The following CCDC91 variants were observed in gnomAD, a reference collection of about 807,000 sequenced individuals.
CCDC91 encodes the protein coiled-coil domain-containing protein 91.
A neutral mutation model predicts 63.2 loss-of-function variants in CCDC91; 48 were observed. That is an observed-to-expected ratio of 0.76 (90% CI 0.60 to 0.97). The LOEUF (loss-of-function observed/expected upper bound fraction) is 0.97. Ranked by LOEUF, CCDC91 falls within the 50% of genes least tolerant of loss-of-function variation. The pLI is 0.00. For missense variants in CCDC91, 500 were observed against 494.6 expected, an observed-to-expected ratio of 1.01 and a Z score of -0.10; for synonymous variants, 167 against 165.8, an observed-to-expected ratio of 1.01 and a Z score of -0.06.
Position 28,307,705 on chromosome 12 carries a change from G to T in CCDC91, c.532G>T (p.Glu178Ter), listed in dbSNP as rs764048825. Residue 178 changes from glutamate to a stop codon, truncating the protein, a stop_gained, in exon 6 of 13, where the codon GAG becomes TAG. Transcript: ENST00000536442. LOFTEE classifies it high-confidence loss of function. ...AGAAAAAGGCTTTCTAAAAGAAAAA[G>T]AGCAAGAGGCCATTTCTTTTCAAGA... Reference protein sequence around the residue: ...VLEKGFLKEKEQEAISFQDRY... With the variant: ...VLEKGFLKEK 54 of 1,593,012 alleles carry T rather than the reference G, an allele frequency of 3.4e-5. No individual in the cohort carries two copies. Among genetic ancestry groups the T allele is most frequent in the Non-Finnish European group, 4.3e-5 (50 of 1,169,150 alleles).
Position 28,267,864 on chromosome 12 carries a change from T to TA in CCDC91, c.109+8423dup, listed in dbSNP as rs1565700571. 3.1e-3 allele frequency among the ~76,000 whole-genome samples: 147 copies of TA among 46,804 alleles called. 22 individuals are homozygous for TA. The highest frequency in any genetic ancestry group is 0.016 in the South Asian group (25 of 1,568). The allele number at this position is 46,804 out of a possible 152,430, so 30.7% of individuals were successfully genotyped here. A position where few individuals can be genotyped will look rare whatever the true frequency, so the allele number is the denominator to read the frequency against. ...ATATAATTATATAGTAATATATAATTATATATAATTATATATAATTATTAT... is the reference window on the plus strand; with the variant it reads ...ATATAATTATATAGTAATATATAATTAATATATAATTATATATAATTATTAT... On this transcript the variant is annotated intron_variant, in intron 3 of 12. Coordinates refer to ENST00000536442, the MANE Select transcript of CCDC91 (RefSeq NM_018318.5).
intron 6 of CCDC91, among the ~76,000 whole-genome samples, chr12:28,331,526 T>C (rs1941509863): frequency 6.6e-6 from 1 of 152,192 alleles, no homozygotes; most frequent in Non-Finnish European, 1.5e-5. Flanking sequence ...AATATTTTTT[T>C]CCCCTTGTTT....
chr12:28,520,463 G>C (rs528166696), intron 12 of CCDC91, among the ~76,000 whole-genome samples: 2 of 152,208 alleles, frequency 1.3e-5, no homozygotes, highest in Non-Finnish European at 2.9e-5. Context: ...TGTAGATTCT[G>C]GATATTAGCC....
chr12:28,273,984 T>G (rs1947995118), intron 3 of CCDC91, among the ~76,000 whole-genome samples: 2 of 152,230 alleles, frequency 1.3e-5, no homozygotes, highest in Admixed American at 6.5e-5. Context: ...GTCTAACATT[T>G]AAGTCTTTAA....
intron 6 of CCDC91, among the ~76,000 whole-genome samples, chr12:28,329,261 A>G (rs780736884): frequency 4.5e-4 from 68 of 152,234 alleles, no homozygotes; most frequent in Non-Finnish European, 6.8e-4. Context: ...TTTAAAGTCT[A>G]TGTCCTTTGG....
At position 28,450,222 on chromosome 12, in the gene CCDC91, A is replaced by T; in HGVS notation, c.824A>T (p.Glu275Val). 2 of 1,610,284 alleles carry T rather than the reference A, an allele frequency of 1.2e-6. No homozygotes were observed. The highest frequency in any genetic ancestry group is 1.7e-6 in the Non-Finnish European group (2 of 1,177,520). The change falls in exon 9 of 13, where the codon GAA becomes GTA. Residue 275 changes from glutamate (E) to valine (V), a missense_variant. Glu to Val is a moderately radical substitution (Grantham distance 121). Transcript: ENST00000536442. ...GAACTGTTAAAAGAAAAAATAAAGGAAGCTTTGATTCAGCAATCTCAAGAA... is the reference window on the plus strand; with the variant it reads ...GAACTGTTAAAAGAAAAAATAAAGGTAGCTTTGATTCAGCAATCTCAAGAA... ...EKELLKEKIK[E>V]ALIQQSQEQK...
intron 12 of CCDC91, among the ~76,000 whole-genome samples, chr12:28,516,322 A>G (rs1939941618): frequency 6.6e-6 from 1 of 151,926 alleles, no homozygotes; most frequent in African/African-American, 2.4e-5. Context: ...TTTATTTTCT[A>G]GGCTGAGTGT....
At chr12:28,273,708 T>G in intron 3 of CCDC91, among the ~76,000 whole-genome samples, 1 of 152,060 alleles carries the variant, frequency 6.6e-6, no homozygotes, top group Non-Finnish European at 1.5e-5. Flanking sequence ...TCTTGTAAAT[T>G]TGTTTGAGTT....
intron 3 of CCDC91, among the ~76,000 whole-genome samples, chr12:28,280,447 A>C (rs1339065467): frequency 6.6e-6 from 1 of 152,058 alleles, no homozygotes; most frequent in Non-Finnish European, 1.5e-5. Context: ...ACATGACACT[A>C]GCTGTAAAAA....
intron 12 of CCDC91, among the ~76,000 whole-genome samples, chr12:28,521,052 C>T (rs543554526): frequency 4.1e-4 from 62 of 152,172 alleles, no homozygotes; most frequent in South Asian, 8.3e-4. Flanking sequence ...CTTGGCAATG[C>T]GGGCTCTTTT....
At chr12:28,358,750 A>C (rs1943679772) in intron 6 of CCDC91, among the ~76,000 whole-genome samples, 2 of 152,216 alleles carry the variant, frequency 1.3e-5, no homozygotes, top group African/African-American at 2.4e-5. Flanking sequence ...ATAAGTGGTC[A>C]GGAAAAGTCT....
chr12:28,443,942 A>G (rs897833002), intron 8 of CCDC91, among the ~76,000 whole-genome samples: 14 of 152,226 alleles, frequency 9.2e-5, no homozygotes, highest in African/African-American at 3.1e-4. Context: ...TGGTAACAAT[A>G]GTTTGCAGAA....
intron 12 of CCDC91, among the ~76,000 whole-genome samples, chr12:28,543,733 C>T (rs1369804706): frequency 6.6e-6 from 1 of 152,054 alleles, no homozygotes; most frequent in Non-Finnish European, 1.5e-5. Context: ...ACATCTCCAA[C>T]ATGTCTGATG....
chr12:28,338,462 C>T (rs1942169901), intron 6 of CCDC91, among the ~76,000 whole-genome samples: 1 of 151,860 alleles, frequency 6.6e-6, no homozygotes, highest in African/African-American at 2.4e-5. Flanking sequence ...AGTGTGAATG[C>T]CCTGAGATAA....
At chr12:28,323,425 G>A (rs955073353) in intron 6 of CCDC91, among the ~76,000 whole-genome samples, 20 of 151,624 alleles carry the variant, frequency 1.3e-4, no homozygotes, top group Admixed American at 3.3e-4. Flanking sequence ...CATCTTTGCC[G>A]TATATTAAAT....
In CCDC91 at chr12:28,358,447, T is replaced by G. The variant is rs372945592; in HGVS notation, c.577-3991T>G. Among the ~76,000 whole-genome samples the G allele has an allele frequency of 7.9e-5, 12 of 152,240 alleles. No individual in the cohort carries two copies. In the East Asian group the frequency reaches 1.5e-3, roughly 20 times the overall value. ...AAATCTTGGCCATTCTAGTTCTTCTTTATTCAGTGCTTATTGACTGAGCTG... is the reference window on the plus strand; with the variant it reads ...AAATCTTGGCCATTCTAGTTCTTCTGTATTCAGTGCTTATTGACTGAGCTG... On this transcript the variant is annotated intron_variant, in intron 6 of 12. Coordinates refer to ENST00000536442, the MANE Select transcript of CCDC91 (RefSeq NM_018318.5).
At chr12:28,499,665 G>T (rs1426185326) in intron 12 of CCDC91, among the ~76,000 whole-genome samples, 1 of 152,050 alleles carries the variant, frequency 6.6e-6, no homozygotes, top group African/African-American at 2.4e-5. Context: ...CCCTGCAAAG[G>T]ACATGAACTC....
At chr12:28,263,573 T>C (rs1318183812) in intron 3 of CCDC91, among the ~76,000 whole-genome samples, 1 of 152,058 alleles carries the variant, frequency 6.6e-6, no homozygotes, top group African/African-American at 2.4e-5. Flanking sequence ...ATAGACCACA[T>C]TTTGTTTATC....
chr12:28,425,818 A>G (rs1360317133), intron 8 of CCDC91, among the ~76,000 whole-genome samples: 1 of 152,170 alleles, frequency 6.6e-6, no homozygotes, highest in African/African-American at 2.4e-5. Context: ...GTACTTCCCC[A>G]GACCTACTGT....
Sources: allele counts gnomAD v4.1 joint callset (sites outside exome capture counted in the v4.1 genomes callset), GRCh38; gene constraint gnomAD v4.1.1; transcripts MANE v1.5; gene names NCBI Gene and HGNC (gene_info 2026-07-23, HGNC 2026-07-21).